C9: variants seen among roughly 807,000 people sequenced by gnomAD.
C9 encodes complement C9.
A neutral mutation model predicts 65.4 loss-of-function variants in C9; 63 were observed. The observed-to-expected ratio is 0.96, with a 90% CI of 0.79 to 1.19. The LOEUF is 1.19. C9 is among the 50% of genes most tolerant of loss of function. C9 has a pLI of 0.00. For missense variants in C9, 744 were observed against 670.1 expected, an observed-to-expected ratio of 1.11 and a Z score of -1.22; for synonymous variants, 229 against 227.9, an observed-to-expected ratio of 1.00 and a Z score of -0.04.
At chr5:39,294,980 A>G (rs1753158588) in intron 9 of C9, among the ~76,000 whole-genome samples, 1 of 151,940 alleles carries the variant, frequency 6.6e-6, no homozygotes, top group East Asian at 1.9e-4. Context: ...ATCTCAATAG[A>G]TGCAGAAAAA....
intron 5 of C9, among the ~76,000 whole-genome samples, chr5:39,330,828 C>G (rs1437833701): frequency 6.6e-6 from 1 of 152,178 alleles, no homozygotes; most frequent in Non-Finnish European, 1.5e-5. Flanking sequence ...AACATGATTG[C>G]TTCTGGCTGC....
intron 1 of C9, among the ~76,000 whole-genome samples, chr5:39,348,414 G>GA: frequency 6.6e-6 from 1 of 152,276 alleles, no homozygotes; most frequent in South Asian, 2.1e-4. Flanking sequence ...ACAGACACAT[G>GA]AAAAAATGCT....
chr5:39,300,311 C>T (rs961244033), intron 9 of C9, among the ~76,000 whole-genome samples: 4 of 152,058 alleles, frequency 2.6e-5, no homozygotes, highest in Admixed American at 2.6e-4. Flanking sequence ...ACTTGAGAGG[C>T]TGAGGCAGAA....
intron 5 of C9, among the ~76,000 whole-genome samples, chr5:39,327,580 G>A (rs1407010885): frequency 1.3e-5 from 2 of 152,168 alleles, no homozygotes; most frequent in Non-Finnish European, 2.9e-5. Context: ...GAGAATTCAA[G>A]AGCAAGAAGC....
At chr5:39,342,565 G>C (rs192171972) in intron 1 of C9, among the ~76,000 whole-genome samples, 1 of 151,870 alleles carries the variant, frequency 6.6e-6, no homozygotes, top group Admixed American at 6.6e-5. Context: ...ATTTTTTTGT[G>C]TGTCTTCCTT....
chr5:39,331,720 T>C lies in C9; in HGVS notation c.571A>G (p.Thr191Ala), dbSNP rs1175935614. 6.2e-7 allele frequency: 1 copy of C among 1,613,870 alleles called. No individual in the cohort carries two copies. Among genetic ancestry groups the C allele is most frequent in the Admixed American group, 1.7e-5 (1 of 60,030 alleles). The change falls in exon 5 of 11, where the codon ACA becomes GCA. Residue 191 changes from threonine (T) to alanine (A), a missense_variant. Thr to Ala is a moderately conservative substitution (Grantham distance 58). Transcript: ENST00000263408. The stretch of plus-strand genomic sequence containing the variant: ...ACGTTCCAAGGTCTTCGGTAGTATG[T>C]CAGAGTGTTTCCATCCCGATCCCGG... ...CNRDRDGNTLTYYRRPWNVAS... is the reference protein window; with the variant it reads ...CNRDRDGNTLAYYRRPWNVAS...
intron 5 of C9, among the ~76,000 whole-genome samples, chr5:39,327,597 T>C (rs1175432416): frequency 6.6e-6 from 1 of 152,038 alleles, no homozygotes; most frequent in African/African-American, 2.4e-5. Flanking sequence ...AAGCAGGAAA[T>C]TGGGAGTAAG....
chr5:39,334,071 C>T (rs1284486315), intron 4 of C9, among the ~76,000 whole-genome samples: 2 of 151,516 alleles, frequency 1.3e-5, no homozygotes, highest in Non-Finnish European at 2.9e-5. Context: ...GCCTGGCCGC[C>T]CATCGTCTGA....
At chr5:39,357,866 G>A (rs1031777088) in intron 1 of C9, among the ~76,000 whole-genome samples, 2 of 152,196 alleles carry the variant, frequency 1.3e-5, no homozygotes, top group African/African-American at 4.8e-5. Context: ...TTAAGGCTGG[G>A]TTACAAAAGG....
In C9 at chr5:39,296,120, A is replaced by G. The variant is rs182591710; in HGVS notation, c.1417-7169T>C. 4.6e-5 allele frequency among the ~76,000 whole-genome samples: 7 copies of G among 151,688 alleles called. No individual in the cohort carries two copies. In the East Asian group the frequency reaches 1.4e-3, roughly 29 times the overall value. Reference sequence around the variant, plus strand: ...AAATGCTTCAGGACATTGGTCAGGGAAAAAATTTTCTGAATAGGATCTCAA... The same window carrying G: ...AAATGCTTCAGGACATTGGTCAGGGGAAAAATTTTCTGAATAGGATCTCAA... On this transcript the variant is annotated intron_variant, in intron 9 of 10. Transcript: ENST00000263408.
intron 9 of C9, among the ~76,000 whole-genome samples, chr5:39,303,068 G>T (rs1753310704): frequency 6.6e-6 from 1 of 152,110 alleles, no homozygotes; most frequent in Non-Finnish European, 1.5e-5. Context: ...TGCTGCTATT[G>T]CTCTAGAAGA....
At position 39,330,678 on chromosome 5, in the gene C9, A is replaced by T. The variant is rs563253814; in HGVS notation, c.615+998T>A. Among the ~76,000 whole-genome samples, 5 of 152,216 alleles carry T rather than the reference A, an allele frequency of 3.3e-5. No homozygotes were observed. The East Asian group carries it at 9.6e-4, about 29-fold the overall frequency. ...GTTTAACCTGGCATTATTGGGGAAA[A>T]CCAACAGCCCAAAAGATTTCCTCAG... On this transcript the variant is annotated intron_variant, in intron 5 of 10. Coordinates refer to ENST00000263408, the MANE Select transcript of C9 (RefSeq NM_001737.5).
chr5:39,364,486 C>A lies in C9; in HGVS notation c.-22G>T, dbSNP rs377756880. ...ACATGCTGCTCTTGCTGGGTGGCTG[C>A]GAGTGGGGTGGCAGGGCAGGTCTGG... On this transcript the variant is annotated 5_prime_UTR_variant, in exon 1 of 11. Transcript: ENST00000263408. 6.7e-7 allele frequency: 1 copy of A among 1,498,996 alleles called. No homozygotes were observed. The highest frequency in any genetic ancestry group is 9.3e-7 in the Non-Finnish European group (1 of 1,077,286). 92.9% of individuals were successfully genotyped at this position (1,498,996 alleles called of 1,614,324 possible).
chr5:39,316,755 C>T (rs1330044683), intron 5 of C9, among the ~76,000 whole-genome samples: 2 of 152,094 alleles, frequency 1.3e-5, no homozygotes, highest in Non-Finnish European at 2.9e-5. Context: ...CATTGATGGG[C>T]GTTTGGGTTG....
intron 1 of C9, among the ~76,000 whole-genome samples, chr5:39,358,618 A>G (rs1184366857): frequency 6.6e-6 from 1 of 152,184 alleles, no homozygotes; most frequent in Non-Finnish European, 1.5e-5. Flanking sequence ...CAGGCAAGAA[A>G]TAATAGTGAT....
intron 5 of C9, among the ~76,000 whole-genome samples, chr5:39,323,387 C>A (rs1198601429): frequency 2.0e-5 from 3 of 151,150 alleles, no homozygotes; most frequent in African/African-American, 7.3e-5. Context: ...AAGCCAATAT[C>A]CCTGATGAAC....
At chr5:39,306,396 C>G (rs1753377888) in intron 9 of C9, among the ~76,000 whole-genome samples, 1 of 152,068 alleles carries the variant, frequency 6.6e-6, no homozygotes, top group African/African-American at 2.4e-5. Context: ...GGTCAGAAAA[C>G]ATCCCACACA....
chr5:39,356,511 C>G (rs756873163), intron 1 of C9, among the ~76,000 whole-genome samples: 1 of 152,202 alleles, frequency 6.6e-6, no homozygotes, highest in Non-Finnish European at 1.5e-5. Context: ...GACAGCCTGA[C>G]GCTTGCCTGG....
intron 1 of C9, among the ~76,000 whole-genome samples, chr5:39,362,768 G>A (rs773745444): frequency 1.2e-4 from 18 of 152,134 alleles, no homozygotes; most frequent in Middle Eastern, 3.4e-3. Context: ...CAAACAAATC[G>A]TCTCACTTCA....
Sources: gnomAD v4.1 joint callset for allele counts (sites outside exome capture counted in the v4.1 genomes callset) on GRCh38, gnomAD v4.1.1 for gene constraint, MANE v1.5 for transcripts, NCBI Gene and HGNC (gene_info 2026-07-23, HGNC 2026-07-21) for gene names.